The following SMG6 variants were observed in gnomAD, a reference collection of about 807,000 sequenced individuals.
SMG6 encodes telomerase-binding protein EST1A.
Under a neutral mutation model 142.2 loss-of-function variants are expected in SMG6, and 66 were observed. The ratio of observed to expected loss-of-function variants is 0.46; its 90% confidence interval spans 0.38 to 0.57. The LOEUF (loss-of-function observed/expected upper bound fraction) is 0.57. Among genes scored for constraint, SMG6 ranks in the 20% least tolerant of loss-of-function variants. The pLI is 0.00. For missense variants in SMG6, 1,793 were observed against 1,832.0 expected (o/e 0.98, Z 0.39); for synonymous variants, 779 against 702.4 (o/e 1.11, Z -1.72).
chr17:2,212,655 T>C (rs773806077), intron 10 of SMG6: 1 of 152,260 alleles, frequency 6.6e-6, no homozygotes, highest in African/African-American at 2.4e-5. Flanking sequence ...GCACCAACCC[T>C]TCATAGGCAT....
At chr17:2,212,961 T>G (rs1053298080) in intron 10 of SMG6, among the ~76,000 whole-genome samples, 1 of 152,180 alleles carries the variant, frequency 6.6e-6, no homozygotes, top group Non-Finnish European at 1.5e-5. Flanking sequence ...GAATTAACAG[T>G]TTGTAGTGAG....
intron 9 of SMG6, among the ~76,000 whole-genome samples, chr17:2,238,132 T>C (rs1335125766): frequency 6.6e-6 from 1 of 152,234 alleles, no homozygotes; most frequent in Non-Finnish European, 1.5e-5. Context: ...CCAGGTTTTC[T>C]AGAATCTTGG....
intron 13 of SMG6, among the ~76,000 whole-genome samples, chr17:2,134,851 T>A (rs1272098759): frequency 6.7e-6 from 1 of 149,944 alleles, no homozygotes; most frequent in African/African-American, 2.5e-5. Context: ...CCTGTCATCA[T>A]CCCAGACCTT....
At chr17:2,112,282 A>G (rs925932412) in intron 13 of SMG6, among the ~76,000 whole-genome samples, 3 of 151,700 alleles carry the variant, frequency 2.0e-5, no homozygotes, top group Non-Finnish European at 4.4e-5. Context: ...AGGCGGGTGG[A>G]TCACGAGGTC....
intron 13 of SMG6, among the ~76,000 whole-genome samples, chr17:2,147,296 G>A (rs1597468646): frequency 6.6e-6 from 1 of 152,164 alleles, no homozygotes; most frequent in Non-Finnish European, 1.5e-5. Context: ...GGGAGGCTGA[G>A]GCAGGAGAAT....
At chr17:2,088,896 T>C (rs2068639042) in intron 13 of SMG6, 1 of 943,708 alleles carries the variant, frequency 1.1e-6, no homozygotes, top group Non-Finnish European at 1.3e-6. Context: ...TGGAGTTCTG[T>C]AGGAGACTTA....
intron 10 of SMG6, among the ~76,000 whole-genome samples, chr17:2,221,972 T>C (rs2073182874): frequency 6.6e-6 from 1 of 152,214 alleles, no homozygotes; most frequent in South Asian, 2.1e-4. Flanking sequence ...TGAGCTCAAG[T>C]GATCCACCTG....
At chr17:2,066,305 C>T (rs1399104521) in intron 16 of SMG6, among the ~76,000 whole-genome samples, 3 of 149,592 alleles carry the variant, frequency 2.0e-5, no homozygotes, top group African/African-American at 7.6e-5. Context: ...TGCGTGTGTA[C>T]ATGTATGTGT....
rs1491121338 is a variant in SMG6 at position 2,230,222 on chromosome 17, G to GAAA, written c.2869+6269_2869+6270insTTT. 7.7e-4 allele frequency among the ~76,000 whole-genome samples: 23 copies of GAAA among 29,848 alleles called. 4 individuals carry two copies. Among genetic ancestry groups the GAAA allele is most frequent in the African/African-American group, 2.8e-3 (20 of 7,126 alleles). 19.6% of individuals were successfully genotyped at this position (29,848 alleles called of 152,430 possible). A position where few individuals can be genotyped will look rare whatever the true frequency, so the allele number is the denominator to read the frequency against. On this transcript the variant is annotated intron_variant, in intron 10 of 18. Transcript: ENST00000263073. ...AAAAAAAAAAAAAAAAAAAAAAAAAGGAAAAGAAAGGAAAAGAAAAGTGTC... is the reference window on the plus strand; with the variant it reads ...AAAAAAAAAAAAAAAAAAAAAAAAAGAAAGAAAAGAAAGGAAAAGAAAAGTGTC...
intron 15 of SMG6, among the ~76,000 whole-genome samples, chr17:2,075,218 C>A (rs574858094): frequency 2.1e-5 from 3 of 142,838 alleles, no homozygotes; most frequent in East Asian, 2.1e-4. Context: ...AACAGCCCCC[C>A]CTAGCTGGGT....
chr17:2,196,708 G>A (rs967382109), intron 10 of SMG6, among the ~76,000 whole-genome samples: 6 of 152,090 alleles, frequency 3.9e-5, no homozygotes, highest in South Asian at 2.1e-4. Flanking sequence ...AGAATAAAGC[G>A]GGAGAAATCG....
At chr17:2,152,812 T>C (rs1304788746) in intron 13 of SMG6, among the ~76,000 whole-genome samples, 2 of 152,174 alleles carry the variant, frequency 1.3e-5, no homozygotes, top group East Asian at 3.8e-4. Flanking sequence ...CCCGTTCCAC[T>C]CCTAAGTATT....
chr17:2,276,875 G>A (rs1208652059), intron 8 of SMG6, among the ~76,000 whole-genome samples: 4 of 151,516 alleles, frequency 2.6e-5, no homozygotes, highest in African/African-American at 4.9e-5. Context: ...TCCACCTCCC[G>A]GGTTCAAGTG....
At chr17:2,192,895 G>A (rs931527041) in intron 10 of SMG6, among the ~76,000 whole-genome samples, 1 of 152,230 alleles carries the variant, frequency 6.6e-6, no homozygotes, top group Non-Finnish European at 1.5e-5. Context: ...CAAAAGCAGA[G>A]ATGTCTTTTC....
At chr17:2,293,906 C>A (rs2075093490) in intron 4 of SMG6, among the ~76,000 whole-genome samples, 1 of 152,186 alleles carries the variant, frequency 6.6e-6, no homozygotes, top group Non-Finnish European at 1.5e-5. Flanking sequence ...ACACACTGTG[C>A]AGGACTATGT....
chr17:2,192,932 C>T (rs530628489), intron 10 of SMG6, among the ~76,000 whole-genome samples: 57 of 152,306 alleles, frequency 3.7e-4, no homozygotes, highest in Admixed American at 1.3e-3. Context: ...AGGAGCAGAA[C>T]GAATGAGTCA....
intron 14 of SMG6, among the ~76,000 whole-genome samples, chr17:2,082,583 G>A (rs920978519): frequency 2.0e-5 from 3 of 152,204 alleles, no homozygotes; most frequent in Non-Finnish European, 4.4e-5. Context: ...TCAATGGCCT[G>A]GGCAGGGTAG....
At chr17:2,087,936 G>A (rs1567587362) in intron 13 of SMG6, 9 of 985,736 alleles carry the variant, frequency 9.1e-6, no homozygotes, top group East Asian at 1.1e-4. Flanking sequence ...CTGACCTTAC[G>A]CCCCAGCTAC....
At chr17:2,293,391 G>A (rs2075081602) in intron 4 of SMG6, among the ~76,000 whole-genome samples, 1 of 152,148 alleles carries the variant, frequency 6.6e-6, no homozygotes. Context: ...GTAACTGGAG[G>A]AAATAAATGT....
Sources: gnomAD v4.1 joint callset for allele counts (sites outside exome capture counted in the v4.1 genomes callset) on GRCh38, gnomAD v4.1.1 for gene constraint, MANE v1.5 for transcripts, NCBI Gene and HGNC (gene_info 2026-07-23, HGNC 2026-07-21) for gene names.